The following B3GALT1 variants were observed in gnomAD, a reference collection of about 807,000 sequenced individuals.
The protein encoded by B3GALT1 is UDP-Gal:betaGlcNAc beta 1,3-galactosyltransferase, polypeptide 1.
B3GALT1 carries 10 observed loss-of-function variants against 23.2 expected under a neutral mutation model. That is an observed-to-expected ratio of 0.43 (90% confidence interval 0.27 to 0.73). B3GALT1 has a LOEUF of 0.73. Among genes scored for constraint, B3GALT1 ranks in the 30% least tolerant of loss-of-function variants. The pLI is 0.21. For synonymous variants in B3GALT1, 156 were observed against 141.5 expected (o/e 1.10, Z -0.73); for missense variants, 299 against 405.4 (o/e 0.74, Z 2.25).
intron 3 of B3GALT1, among the ~76,000 whole-genome samples, chr2:167,659,126 A>G (rs1574195136): frequency 6.6e-6 from 1 of 152,068 alleles, no homozygotes; most frequent in Non-Finnish European, 1.5e-5. Context: ...ATTTGGAAAA[A>G]CCAAAAAACC....
chr2:167,807,960 G>A (rs1286588298), intron 3 of B3GALT1, among the ~76,000 whole-genome samples: 1 of 151,978 alleles, frequency 6.6e-6, no homozygotes, highest in African/African-American at 2.4e-5. Flanking sequence ...GGTCTCTAAG[G>A]ACTTGCTTTA....
intron 1 of B3GALT1, among the ~76,000 whole-genome samples, chr2:167,430,429 T>C (rs1252937290): frequency 6.6e-6 from 1 of 152,148 alleles, no homozygotes; most frequent in Non-Finnish European, 1.5e-5. Context: ...TGTAATGACA[T>C]ACGTTAATTT....
intron 1 of B3GALT1, among the ~76,000 whole-genome samples, chr2:167,335,294 A>G (rs768121345): frequency 1.3e-5 from 2 of 152,162 alleles, no homozygotes; most frequent in East Asian, 1.9e-4. Context: ...TGATCTTTCA[A>G]TTTTGTCTGA....
At chr2:167,609,461 G>T (rs938610489) in intron 2 of B3GALT1, among the ~76,000 whole-genome samples, 3 of 152,114 alleles carry the variant, frequency 2.0e-5, no homozygotes, top group African/African-American at 4.8e-5. Context: ...GCTCAATAGT[G>T]TCCTCAAGGT....
At chr2:167,566,978 C>T (rs895116637) in intron 2 of B3GALT1, among the ~76,000 whole-genome samples, 10 of 152,206 alleles carry the variant, frequency 6.6e-5, no homozygotes, top group Admixed American at 3.3e-4. Context: ...CTCTTGCAAT[C>T]TTACTGCATC....
intron 1 of B3GALT1, among the ~76,000 whole-genome samples, chr2:167,333,192 A>G: frequency 6.6e-6 from 1 of 152,222 alleles, no homozygotes; most frequent in Admixed American, 6.5e-5. Context: ...CAGCAACCCA[A>G]TTTTGGAAAA....
At chr2:167,656,082 G>T (rs1394483877) in intron 3 of B3GALT1, among the ~76,000 whole-genome samples, 7 of 152,144 alleles carry the variant, frequency 4.6e-5, no homozygotes, top group Non-Finnish European at 1.5e-5. Flanking sequence ...CTGAGATGGG[G>T]TGTCCTCTTC....
At chr2:167,822,613 C>T (rs1183622056) in intron 4 of B3GALT1, among the ~76,000 whole-genome samples, 1 of 152,172 alleles carries the variant, frequency 6.6e-6, no homozygotes, top group East Asian at 1.9e-4. Context: ...CAGACCAAGG[C>T]ACAGGCATAC....
intron 2 of B3GALT1, among the ~76,000 whole-genome samples, chr2:167,590,203 G>A (rs575637204): frequency 5.3e-5 from 8 of 152,130 alleles, no homozygotes; most frequent in Non-Finnish European, 8.8e-5. Flanking sequence ...AAAATTAGCC[G>A]GGCGTGGTGG....
At chr2:167,342,751 G>T (rs751432194) in intron 1 of B3GALT1, among the ~76,000 whole-genome samples, 2 of 151,712 alleles carry the variant, frequency 1.3e-5, no homozygotes, top group Admixed American at 6.6e-5. Flanking sequence ...CTACAATTCC[G>T]ATTTCCGTGT....
At chr2:167,413,353 A>G (rs1031944285) in intron 1 of B3GALT1, among the ~76,000 whole-genome samples, 5 of 152,070 alleles carry the variant, frequency 3.3e-5, no homozygotes, top group Non-Finnish European at 7.4e-5. Context: ...AATTTCATTT[A>G]TGTCTCATGA....
At chr2:167,308,532 G>A (rs1234876509) in intron 1 of B3GALT1, among the ~76,000 whole-genome samples, 1 of 151,950 alleles carries the variant, frequency 6.6e-6, no homozygotes, top group African/African-American at 2.4e-5. Context: ...AACATTCCAT[G>A]TGAAAATCCC....
At chr2:167,601,829 T>G (rs1297178617) in intron 2 of B3GALT1, among the ~76,000 whole-genome samples, 1 of 152,204 alleles carries the variant, frequency 6.6e-6, no homozygotes, top group Non-Finnish European at 1.5e-5. Context: ...AACCCTTCAC[T>G]TCAACATAGA....
intron 1 of B3GALT1, among the ~76,000 whole-genome samples, chr2:167,466,471 T>C (rs573103551): frequency 6.6e-6 from 1 of 150,934 alleles, no homozygotes; most frequent in African/African-American, 2.4e-5. Flanking sequence ...TACAAAAAAC[T>C]TAGCCAGGCA....
intron 1 of B3GALT1, among the ~76,000 whole-genome samples, chr2:167,360,682 G>A (rs940800443): frequency 6.6e-6 from 1 of 152,134 alleles, no homozygotes; most frequent in African/African-American, 2.4e-5. Context: ...AATGATCAAA[G>A]CAGGATAATT....
chr2:167,597,372 C>T (rs1042014046), intron 2 of B3GALT1, among the ~76,000 whole-genome samples: 2 of 152,096 alleles, frequency 1.3e-5, no homozygotes, highest in African/African-American at 2.4e-5. Flanking sequence ...GCCTTGGCCT[C>T]CCAAAGTGCT....
chr2:167,306,207 GCA>G (rs1696549810), intron 1 of B3GALT1, among the ~76,000 whole-genome samples: 1 of 151,924 alleles, frequency 6.6e-6, no homozygotes, highest in South Asian at 2.1e-4. Flanking sequence ...ATAGACTTAT[GCA>G]CATACATTTG....
chr2:167,307,676 A>C (rs1218641539), intron 1 of B3GALT1, among the ~76,000 whole-genome samples: 2 of 151,916 alleles, frequency 1.3e-5, no homozygotes, highest in Admixed American at 1.3e-4. Flanking sequence ...TAAGGAACCC[A>C]TTCTGTTTTG....
At position 167,588,832 on chromosome 2, in the gene B3GALT1, T is replaced by G. The variant is rs978743926; in HGVS notation, c.-409-58077T>G. Among the ~76,000 whole-genome samples, 5 of 131,582 alleles carry G rather than the reference T, an allele frequency of 3.8e-5. No individual in the cohort carries two copies. In the South Asian group the frequency reaches 1.2e-3, roughly 31 times the overall value. The allele number at this position is 131,582 out of a possible 152,430, so 86.3% of individuals were successfully genotyped here. A position where few individuals can be genotyped will look rare whatever the true frequency, so the allele number is the denominator to read the frequency against. On this transcript the variant is annotated intron_variant, in intron 2 of 4. Coordinates refer to ENST00000392690, the MANE Select transcript of B3GALT1 (RefSeq NM_020981.4). ...TAACCATTCTTTTTCCTTCCTTCCT[T>G]CCTTCCTTCCTTCTTTCCTTCCTTC... is the stretch of plus-strand genomic sequence containing the variant.
Sources: allele counts gnomAD v4.1 joint callset (sites outside exome capture counted in the v4.1 genomes callset), GRCh38; gene constraint gnomAD v4.1.1; transcripts MANE v1.5; gene names NCBI Gene and HGNC (gene_info 2026-07-23, HGNC 2026-07-21).